Variants in PCDH15 observed in about 807,000 individuals in gnomAD.
PCDH15 encodes the protein protocadherin related 15, also known as protocadherin-15.
A neutral mutation model predicts 178.5 loss-of-function variants in PCDH15; 129 were observed. That is an observed-to-expected ratio of 0.72 (90% CI 0.63 to 0.84). The LOEUF (loss-of-function observed/expected upper bound fraction) is 0.84, where lower values mean the gene tolerates loss of function less well. Ranked by LOEUF, PCDH15 falls within the 40% of genes least tolerant of loss-of-function variation. The pLI is 0.00. For synonymous variants in PCDH15, 800 were observed against 732.0 expected, an observed-to-expected ratio of 1.09 and a Z score of -1.50; for missense variants, 2,230 against 2,099.9, an observed-to-expected ratio of 1.06 and a Z score of -1.21.
intron 8 of PCDH15, among the ~76,000 whole-genome samples, chr10:54,270,633 T>C (rs1289619551): frequency 1.3e-5 from 2 of 152,140 alleles, no homozygotes; most frequent in East Asian, 1.9e-4. Context: ...AAATGTGATG[T>C]TCCACAATGA....
chr10:54,796,262 C>CTATG (rs1951972345), intron 1 of PCDH15, among the ~76,000 whole-genome samples: 10 of 101,954 alleles, frequency 9.8e-5, no homozygotes, highest in Admixed American at 7.0e-4. Context: ...ATCTATCTAT[C>CTATG]TATCTATCTA....
chr10:55,463,666 A>G (rs1385670438), intron 2 of PCDH15, among the ~76,000 whole-genome samples: 1 of 151,894 alleles, frequency 6.6e-6, no homozygotes, highest in African/African-American at 2.4e-5. Flanking sequence ...GGAGAAAGCC[A>G]TGCTACTAAA....
chr10:55,371,846 A>G (rs1008122926), intron 2 of PCDH15, among the ~76,000 whole-genome samples: 1 of 152,176 alleles, frequency 6.6e-6, no homozygotes, highest in African/African-American at 2.4e-5. Context: ...TAAATGGAAA[A>G]AAATTTAATC....
intron 20 of PCDH15, among the ~76,000 whole-genome samples, chr10:54,019,083 C>G (rs1324047986): frequency 6.6e-6 from 1 of 152,058 alleles, no homozygotes; most frequent in African/African-American, 2.4e-5. Flanking sequence ...TGCCCTTGCT[C>G]TGTGCAGGTA....
chr10:53,972,236 T>C (rs1176468314), intron 21 of PCDH15, among the ~76,000 whole-genome samples: 1 of 151,318 alleles, frequency 6.6e-6, no homozygotes, highest in East Asian at 2.0e-4. Flanking sequence ...GCTAGCCATA[T>C]GTAGAAAGCT....
chr10:54,242,125 T>G (rs1375951257), intron 8 of PCDH15, among the ~76,000 whole-genome samples: 1 of 38,292 alleles, frequency 2.6e-5, no homozygotes, highest in Non-Finnish European at 4.2e-5. Flanking sequence ...GTCTGAATTC[T>G]ATTTTTATAT....
intron 2 of PCDH15, among the ~76,000 whole-genome samples, chr10:55,507,464 T>C (rs1840782735): frequency 6.6e-6 from 1 of 151,566 alleles, no homozygotes; most frequent in Non-Finnish European, 1.5e-5. Flanking sequence ...TTTCTTAAAG[T>C]ATTATAATCT....
intron 2 of PCDH15, among the ~76,000 whole-genome samples, chr10:55,043,775 A>G (rs956488366): frequency 2.0e-5 from 3 of 151,600 alleles, no homozygotes; most frequent in Admixed American, 1.3e-4. Context: ...AAAAGAAGAA[A>G]AAAACACTCA....
chr10:54,163,314 G>T (rs1490560636), intron 13 of PCDH15, among the ~76,000 whole-genome samples: 2 of 152,018 alleles, frequency 1.3e-5, no homozygotes, highest in Admixed American at 1.3e-4. Flanking sequence ...AGTTCCACAG[G>T]CTTAACAGGA....
At chr10:54,645,651 TTA>T (rs2094114583) in intron 2 of PCDH15, among the ~76,000 whole-genome samples, 1 of 152,124 alleles carries the variant, frequency 6.6e-6, no homozygotes, top group Non-Finnish European at 1.5e-5. Context: ...GTAGAAAGTA[TTA>T]TGAGTGTTCT....
intron 28 of PCDH15, 42 bp from the exon 29 acceptor site, chr10:53,840,538 T>C (rs1042189713): frequency 6.4e-7 from 1 of 1,554,236 alleles, no homozygotes; most frequent in African/African-American, 1.4e-5. Flanking sequence ...TCCAATGGGC[T>C]TTCTGGGAGT....
intron 2 of PCDH15, among the ~76,000 whole-genome samples, chr10:54,546,939 G>A (rs1470500499): frequency 6.6e-6 from 1 of 152,098 alleles, no homozygotes; most frequent in Non-Finnish European, 1.5e-5. Context: ...ATTCATTTGG[G>A]CAACTGAGCT....
chr10:54,482,961 G>A, intron 3 of PCDH15, among the ~76,000 whole-genome samples: 1 of 151,758 alleles, frequency 6.6e-6, no homozygotes, highest in East Asian at 1.9e-4. Flanking sequence ...ACAATGATAA[G>A]CAGGTATATA....
At chr10:54,574,092 T>C (rs867005180) in intron 2 of PCDH15, among the ~76,000 whole-genome samples, 18 of 152,124 alleles carry the variant, frequency 1.2e-4, no homozygotes, top group Middle Eastern at 6.8e-3. Flanking sequence ...AGACATGAAG[T>C]CCTTGCCCAT....
chr10:55,290,349 G>C (rs944589829), intron 1 of PCDH15, among the ~76,000 whole-genome samples: 1 of 152,000 alleles, frequency 6.6e-6, no homozygotes, highest in African/African-American at 2.4e-5. Flanking sequence ...GAGGGATAAT[G>C]TTTAGAGATC....
chr10:54,487,484 T>C (rs1407556701), intron 3 of PCDH15, among the ~76,000 whole-genome samples: 6 of 152,078 alleles, frequency 3.9e-5, no homozygotes, highest in African/African-American at 1.2e-4. Flanking sequence ...TGTTGTCACA[T>C]AAATTTATAC....
chr10:54,657,061 T>G (rs945799419), intron 2 of PCDH15, among the ~76,000 whole-genome samples: 4 of 152,138 alleles, frequency 2.6e-5, no homozygotes, highest in Non-Finnish European at 4.4e-5. Context: ...TCCCAGCAAC[T>G]GAAGGCAGAC....
intron 18 of PCDH15, among the ~76,000 whole-genome samples, chr10:54,031,735 T>C (rs2135425530): frequency 1.3e-5 from 2 of 152,178 alleles, no homozygotes; most frequent in Middle Eastern, 6.8e-3. Context: ...CTTTACATAT[T>C]CAGTTCTCAT....
chr10:55,054,648 G>A (rs1179724803), intron 2 of PCDH15, among the ~76,000 whole-genome samples: 1 of 144,322 alleles, frequency 6.9e-6, no homozygotes, highest in African/African-American at 2.4e-5. Context: ...CCCACCAACA[G>A]TATAAGCATT....
Sources: allele counts gnomAD v4.1 joint callset (sites outside exome capture counted in the v4.1 genomes callset), GRCh38; gene constraint gnomAD v4.1.1; transcripts MANE v1.5; gene names NCBI Gene and HGNC (gene_info 2026-07-23, HGNC 2026-07-21).